SFMBT2: variants seen among roughly 807,000 people sequenced by gnomAD.
SFMBT2 encodes the protein Scm like with four mbt domains 2, also known as scm-like with four MBT domains protein 2.
In SFMBT2, 38 loss-of-function variants were observed where a neutral mutation model predicts 110.1. The observed-to-expected ratio is 0.35, with a 90% CI of 0.27 to 0.45. The LOEUF is 0.45. Among genes scored for constraint, SFMBT2 ranks in the 20% least tolerant of loss-of-function variants. SFMBT2 has a pLI of 1.00. For synonymous variants in SFMBT2, 425 were observed against 425.4 expected, an observed-to-expected ratio of 1.00 and a Z score of 0.01; for missense variants, 1,011 against 1,094.9, an observed-to-expected ratio of 0.92 and a Z score of 1.08.
intron 1 of SFMBT2, among the ~76,000 whole-genome samples, chr10:7,385,433 G>A (rs1845565866): frequency 6.6e-6 from 1 of 152,202 alleles, no homozygotes; most frequent in Non-Finnish European, 1.5e-5. Flanking sequence ...ATGTGGAGGG[G>A]AGAAGGGTGT....
intron 9 of SFMBT2, among the ~76,000 whole-genome samples, chr10:7,238,212 G>C (rs1425183434): frequency 6.6e-6 from 1 of 152,198 alleles, no homozygotes; most frequent in Non-Finnish European, 1.5e-5. Flanking sequence ...AACCAGGTGA[G>C]ACTCACTAGC....
chr10:7,186,395 A>T (rs1467455965), intron 16 of SFMBT2, among the ~76,000 whole-genome samples: 3 of 150,812 alleles, frequency 2.0e-5, no homozygotes, highest in African/African-American at 7.4e-5. Flanking sequence ...ATATATATAC[A>T]TACATATACA....
At position 7,299,996 on chromosome 10, in the gene SFMBT2, A is replaced by G. The variant is rs574415038; in HGVS notation, c.437-14042T>C. ...GAATACTATGCAGCCATGAAAAGGA[A>G]TAAGATCATATCCTTTGCAGGGACA... On this transcript the variant is annotated intron_variant, in intron 4 of 20. Transcript: ENST00000397167. 3.3e-5 allele frequency among the ~76,000 whole-genome samples: 5 copies of G among 152,324 alleles called. No individual in the cohort carries two copies. In the South Asian group the frequency reaches 1.0e-3, roughly 32 times the overall value.
intron 4 of SFMBT2, among the ~76,000 whole-genome samples, chr10:7,319,287 G>A (rs565045074): frequency 2.6e-5 from 4 of 152,320 alleles, no homozygotes; most frequent in Admixed American, 1.3e-4. Context: ...AATCTTAGCA[G>A]CAATTAATTC....
At chr10:7,344,514 T>C (rs1485826552) in intron 4 of SFMBT2, among the ~76,000 whole-genome samples, 1 of 152,166 alleles carries the variant, frequency 6.6e-6, no homozygotes, top group African/African-American at 2.4e-5. Context: ...TATGTGGAAT[T>C]GTGAGTCCAT....
chr10:7,200,269 G>C, intron 14 of SFMBT2, 145 bp downstream of exon 14: 1 of 535,184 alleles, frequency 1.9e-6, no homozygotes, highest in Non-Finnish European at 3.0e-6. Context: ...TTAAAAAGTA[G>C]GTATCCGTTC....
intron 4 of SFMBT2, among the ~76,000 whole-genome samples, chr10:7,307,000 C>A (rs1031974332): frequency 6.6e-6 from 1 of 152,128 alleles, no homozygotes. Context: ...ATATGGCATA[C>A]CTTAGGGCAA....
intron 4 of SFMBT2, among the ~76,000 whole-genome samples, chr10:7,307,276 C>T (rs899588585): frequency 9.2e-5 from 14 of 152,128 alleles, no homozygotes; most frequent in South Asian, 4.1e-4. Context: ...TTCCTTAAAA[C>T]GATTTAGTCG....
chr10:7,233,012 G>A (rs758924294), intron 9 of SFMBT2, among the ~76,000 whole-genome samples: 1 of 152,104 alleles, frequency 6.6e-6, no homozygotes, highest in Non-Finnish European at 1.5e-5. Flanking sequence ...AGATGGGTAG[G>A]AGAAGGGTTT....
At position 7,179,748 on chromosome 10, in the gene SFMBT2, C is replaced by T. The variant is rs1201316973; in HGVS notation, c.1809-3583G>A. On this transcript the variant is annotated intron_variant, in intron 16 of 20. Coordinates refer to ENST00000397167, the MANE Select transcript of SFMBT2 (RefSeq NM_001387889.1). Reference sequence around the variant, plus strand: ...ACACACACGCGCTGCCACATCGGAGCGACGGATGAAGGGAGCGGTTATCTG... The same window carrying T: ...ACACACACGCGCTGCCACATCGGAGTGACGGATGAAGGGAGCGGTTATCTG... Among the ~76,000 whole-genome samples, 7 of 152,298 alleles carry T rather than the reference C, an allele frequency of 4.6e-5. No individual in the cohort carries two copies. The East Asian group carries it at 9.6e-4, about 21-fold the overall frequency.
rs997594098 is a variant in SFMBT2, at chr10:7,171,560, G to A, written c.2415+335C>T. On this transcript the variant is annotated intron_variant, in intron 19 of 20. Transcript: ENST00000397167. The surrounding 1 kb of genome is among the most constrained non-coding windows in gnomAD (Gnocchi z 4.9). Reference sequence around the variant, plus strand: ...AGGGGACGTGGGAGCAAGACACAGCGCAGTCAGGGGAGATGCGGGGAAGGA... The same window carrying A: ...AGGGGACGTGGGAGCAAGACACAGCACAGTCAGGGGAGATGCGGGGAAGGA... 2.7e-5 allele frequency: 27 copies of A among 985,224 alleles called. No individual in the cohort carries two copies. Among genetic ancestry groups the A allele is most frequent in the East Asian group, 1.1e-4 (1 of 8,822 alleles). 61.0% of individuals were successfully genotyped at this position (985,224 alleles called of 1,614,324 possible). A position where few individuals can be genotyped will look rare whatever the true frequency, so the allele number is the denominator to read the frequency against.
intron 1 of SFMBT2, among the ~76,000 whole-genome samples, chr10:7,405,723 T>C (rs2132131953): frequency 1.3e-5 from 2 of 152,218 alleles, no homozygotes; most frequent in South Asian, 4.2e-4. Context: ...CTAGCACCTT[T>C]ATTTTGTAGA....
chr10:7,262,486 G>A (rs961539473), intron 7 of SFMBT2, among the ~76,000 whole-genome samples: 1 of 152,138 alleles, frequency 6.6e-6, no homozygotes, highest in Non-Finnish European at 1.5e-5. Flanking sequence ...ATTACGCTAA[G>A]TTCATGCTAA....
chr10:7,410,147 G>T (rs750417631), intron 1 of SFMBT2, among the ~76,000 whole-genome samples: 2 of 152,228 alleles, frequency 1.3e-5, no homozygotes, highest in Admixed American at 6.5e-5. Context: ...GAGACAACCG[G>T]AAAGCCCCTA....
intron 4 of SFMBT2, among the ~76,000 whole-genome samples, chr10:7,306,503 A>G (rs570756739): frequency 9.8e-5 from 15 of 152,318 alleles, no homozygotes; most frequent in Admixed American, 3.3e-4. Flanking sequence ...ATGGCCCACA[A>G]AGCCCAAAAT....
intron 16 of SFMBT2, among the ~76,000 whole-genome samples, chr10:7,181,765 AG>A (rs1838252169): frequency 6.6e-6 from 1 of 152,184 alleles, no homozygotes; most frequent in Non-Finnish European, 1.5e-5. Context: ...CCTACAAATT[AG>A]GGTAACTGTT....
chr10:7,244,848 T>C (rs1840557943), intron 8 of SFMBT2, among the ~76,000 whole-genome samples: 2 of 152,226 alleles, frequency 1.3e-5, no homozygotes, highest in South Asian at 4.1e-4. Context: ...AATAGTTTAC[T>C]GAAGGTTTGC....
At chr10:7,216,598 T>A (rs1436278271) in intron 11 of SFMBT2, among the ~76,000 whole-genome samples, 2 of 152,202 alleles carry the variant, frequency 1.3e-5, no homozygotes, top group African/African-American at 4.8e-5. Context: ...GCTATCTTGC[T>A]GTCCCCTCCT....
intron 4 of SFMBT2, among the ~76,000 whole-genome samples, chr10:7,351,491 G>C (rs939156709): frequency 1.9e-4 from 29 of 152,178 alleles, no homozygotes; most frequent in African/African-American, 7.0e-4. Flanking sequence ...GAATACTGCA[G>C]GTCACAAAGT....
Sources: gnomAD v4.1 joint callset for allele counts (sites outside exome capture counted in the v4.1 genomes callset) on GRCh38, gnomAD v4.1.1 for gene constraint, Gnocchi (gnomAD v3.1) non-coding constraint, MANE v1.5 for transcripts, NCBI Gene and HGNC (gene_info 2026-07-23, HGNC 2026-07-21) for gene names.